The following PARL variants were observed in gnomAD, a reference collection of about 807,000 sequenced individuals.
PARL encodes the protein presenilin associated rhomboid like.
Under a neutral mutation model 51.6 loss-of-function variants are expected in PARL, and 44 were observed. That is an observed-to-expected ratio of 0.85 (90% CI 0.67 to 1.10). The LOEUF is 1.10. Among genes scored for constraint, PARL ranks in the 50% least tolerant of loss-of-function variants. PARL has a pLI of 0.00. For synonymous variants in PARL, 172 were observed against 164.0 expected, an observed-to-expected ratio of 1.05 and a Z score of -0.37; for missense variants, 441 against 469.5, an observed-to-expected ratio of 0.94 and a Z score of 0.56.
At chr3:183,863,366 G>A (rs1732063151) in intron 3 of PARL, among the ~76,000 whole-genome samples, 1 of 151,418 alleles carries the variant, frequency 6.6e-6, no homozygotes, top group Non-Finnish European at 1.5e-5. Flanking sequence ...AAAGGGAAGG[G>A]AAAAAAAGGG....
chr3:183,870,171 G>A (rs1013025156), intron 1 of PARL, among the ~76,000 whole-genome samples: 1 of 148,650 alleles, frequency 6.7e-6, no homozygotes, highest in Non-Finnish European at 1.5e-5. Flanking sequence ...CCAGCTACTC[G>A]GGAGGCTGAG....
intron 4 of PARL, among the ~76,000 whole-genome samples, chr3:183,858,704 G>T (rs1390403339): frequency 6.6e-6 from 1 of 152,104 alleles, no homozygotes; most frequent in East Asian, 1.9e-4. Context: ...GGACCTCTAG[G>T]AGAGGCTTAA....
chr3:183,859,129 C>A (rs1287686333), intron 4 of PARL, among the ~76,000 whole-genome samples: 5 of 151,992 alleles, frequency 3.3e-5, no homozygotes, highest in Non-Finnish European at 7.4e-5. Flanking sequence ...CGCGGTGAAA[C>A]CCCGTCTCTA....
chr3:183,882,261 A>ATT (rs1734600979), intron 1 of PARL, among the ~76,000 whole-genome samples: 3 of 56,464 alleles, frequency 5.3e-5, no homozygotes, highest in African/African-American at 1.7e-4. Flanking sequence ...ATATATATAT[A>ATT]TATATATTTA....
intron 9 of PARL, among the ~76,000 whole-genome samples, chr3:183,833,101 C>T (rs567575803): frequency 1.4e-4 from 22 of 152,176 alleles, no homozygotes; most frequent in African/African-American, 4.6e-4. Flanking sequence ...ATAGCACTGG[C>T]GAGACAGAGG....
chr3:183,826,925 T>C (rs565373679), downstream of PARL, among the ~76,000 whole-genome samples: 50 of 152,278 alleles, frequency 3.3e-4, 1 homozygote, highest in South Asian at 9.5e-3. Flanking sequence ...GTGCTAGGAA[T>C]AATTCTGGGT....
intron 1 of PARL, among the ~76,000 whole-genome samples, chr3:183,877,224 G>A (rs1392269047): frequency 6.6e-6 from 1 of 152,062 alleles, no homozygotes; most frequent in African/African-American, 2.4e-5. Context: ...CGAAAAAAAA[G>A]AAAGAGCAAG....
intron 9 of PARL, 24 bp from the exon 10 acceptor site, chr3:183,829,733 G>T: frequency 6.3e-7 from 1 of 1,582,428 alleles, no homozygotes; most frequent in South Asian, 1.1e-5. Flanking sequence ...AACCAGGTCC[G>T]ACATTCAAAC....
rs1310613948 is a variant in PARL, at chr3:183,833,677, A to G, written c.930+47T>C. ...TAAGGGCAAGAACCCACTCAACATA[A>G]AAACATCACCACTATCCCCAGCACT... is the stretch of plus-strand genomic sequence containing the variant. On this transcript the variant is annotated intron_variant, in intron 8 of 9. Coordinates refer to ENST00000317096, the MANE Select transcript of PARL (RefSeq NM_018622.7). 4 of 1,465,398 alleles carry G rather than the reference A, an allele frequency of 2.7e-6. No individual in the cohort carries two copies. In the East Asian group the frequency reaches 6.8e-5, roughly 25 times the overall value. The allele number at this position is 1,465,398 out of a possible 1,614,324, so 90.8% of individuals were successfully genotyped here. A position where few individuals can be genotyped will look rare whatever the true frequency, so the allele number is the denominator to read the frequency against.
intron 4 of PARL, 164 bp downstream of exon 4, chr3:183,862,589 T>C (rs2108664862): frequency 1.5e-6 from 1 of 647,846 alleles, no homozygotes; most frequent in Non-Finnish European, 2.8e-6. Flanking sequence ...TGTAAACCTT[T>C]ATACCTCACC....
chr3:183,853,569 A>G (rs1459540516), intron 4 of PARL, among the ~76,000 whole-genome samples: 1 of 152,198 alleles, frequency 6.6e-6, no homozygotes, highest in African/African-American at 2.4e-5. Context: ...CAAACGAAAA[A>G]GAATGCTTAT....
At chr3:183,851,761 C>T (rs6443910) in intron 4 of PARL, among the ~76,000 whole-genome samples, 121,366 of 152,032 alleles carry the variant, frequency 0.8, 49,266 homozygotes, top group East Asian at 0.96. Context: ...AGAGAAGAAA[C>T]ACAAATACTC....
intron 9 of PARL, among the ~76,000 whole-genome samples, chr3:183,830,647 A>G (rs1727830768): frequency 6.6e-6 from 1 of 152,186 alleles, no homozygotes; most frequent in African/African-American, 2.4e-5. Flanking sequence ...TCTTGCATCG[A>G]GCTCCCAGAC....
intron 4 of PARL, among the ~76,000 whole-genome samples, chr3:183,845,356 AAGG>A (rs1396345787): frequency 2.0e-5 from 3 of 152,174 alleles, no homozygotes; most frequent in African/African-American, 7.2e-5. Flanking sequence ...AGAGGTGGGA[AAGG>A]AAGCTACATT....
intron 2 of PARL, 72 bp from the exon 3 acceptor site, chr3:183,866,837 A>C: frequency 9.0e-7 from 1 of 1,111,902 alleles, no homozygotes; most frequent in Non-Finnish European, 1.3e-6. Context: ...TCCAAGGAGA[A>C]TTCTTCACTG....
intron 7 of PARL, among the ~76,000 whole-genome samples, chr3:183,839,866 G>A (rs1357729626): frequency 6.6e-6 from 1 of 152,160 alleles, no homozygotes; most frequent in Non-Finnish European, 1.5e-5. Flanking sequence ...CTGAGTAGCT[G>A]AGACTACCGG....
intron 4 of PARL, among the ~76,000 whole-genome samples, chr3:183,854,749 A>G (rs1354697434): frequency 1.3e-5 from 1 of 74,916 alleles, no homozygotes; most frequent in Admixed American, 1.5e-4. Context: ...TTTTACAATT[A>G]AAAAAAAAAA....
intron 5 of PARL, chr3:183,843,331 C>T (rs1729561763): frequency 9.2e-6 from 9 of 981,708 alleles, no homozygotes; most frequent in Non-Finnish European, 1.1e-5. Flanking sequence ...GTCTGGGCAA[C>T]ATGGCAAGAC....
At chr3:183,835,632 C>T (rs1385942609) in intron 7 of PARL, among the ~76,000 whole-genome samples, 1 of 152,032 alleles carries the variant, frequency 6.6e-6, no homozygotes. Flanking sequence ...TCTGAGGGGC[C>T]GAGGCAGGTG....
Sources: gnomAD v4.1 joint callset for allele counts (sites outside exome capture counted in the v4.1 genomes callset) on GRCh38, gnomAD v4.1.1 for gene constraint, MANE v1.5 for transcripts, NCBI Gene and HGNC (gene_info 2026-07-23, HGNC 2026-07-21) for gene names.